Variants in ELK3 observed in about 807,000 individuals in gnomAD.
ELK3 encodes ETS transcription factor ELK3, also known as ETS domain-containing protein Elk-3.
Under a neutral mutation model 28.9 loss-of-function variants are expected in ELK3, and 10 were observed. The ratio of observed to expected loss-of-function variants is 0.35; its 90% CI spans 0.21 to 0.59. ELK3 has a LOEUF of 0.59. Ranked by LOEUF, ELK3 falls within the 20% of genes least tolerant of loss-of-function variation. ELK3 has a pLI of 0.82. For synonymous variants in ELK3, 272 were observed against 243.5 expected, an observed-to-expected ratio of 1.12 and a Z score of -1.09; for missense variants, 463 against 517.3, an observed-to-expected ratio of 0.90 and a Z score of 1.02.
At chr12:96,208,713 G>C (rs1951555399) in intron 1 of ELK3, among the ~76,000 whole-genome samples, 1 of 152,192 alleles carries the variant, frequency 6.6e-6, no homozygotes, top group Non-Finnish European at 1.5e-5. Flanking sequence ...GTAGGACAGG[G>C]GAGCAGAAGT....
chr12:96,233,974 G>A (rs1308405411), intron 2 of ELK3, among the ~76,000 whole-genome samples: 9 of 152,222 alleles, frequency 5.9e-5, no homozygotes, highest in Non-Finnish European at 1.3e-4. Context: ...GCTATTGCCT[G>A]GGGGCGCAGG....
At chr12:96,254,102 A>G (rs943044380) in intron 3 of ELK3, among the ~76,000 whole-genome samples, 7 of 152,224 alleles carry the variant, frequency 4.6e-5, no homozygotes, top group South Asian at 2.1e-4. Context: ...AAGGGGGCGG[A>G]TAGCTTGAGG....
intron 2 of ELK3, among the ~76,000 whole-genome samples, chr12:96,236,002 T>G (rs967427623): frequency 1.3e-5 from 2 of 151,974 alleles, no homozygotes; most frequent in African/African-American, 4.8e-5. Context: ...ATTTTTGTAT[T>G]TTTAGTAGAG....
chr12:96,215,316 T>C (rs549629706), intron 1 of ELK3, among the ~76,000 whole-genome samples: 1 of 152,300 alleles, frequency 6.6e-6, no homozygotes, highest in African/African-American at 2.4e-5. Flanking sequence ...CCTCATACTT[T>C]GCATAAGGGG....
intron 2 of ELK3, among the ~76,000 whole-genome samples, chr12:96,232,578 A>AT (rs1162486228): frequency 2.7e-5 from 4 of 148,554 alleles, no homozygotes; most frequent in Non-Finnish European, 4.4e-5. Flanking sequence ...CTCAAAAAAA[A>AT]AAATAAATAA....
At chr12:96,246,605 G>A (rs1405207910) in intron 2 of ELK3, among the ~76,000 whole-genome samples, 2 of 152,214 alleles carry the variant, frequency 1.3e-5, no homozygotes, top group Admixed American at 1.3e-4. Flanking sequence ...AGGCTGCAGT[G>A]AGCCATGTTC....
intron 1 of ELK3, among the ~76,000 whole-genome samples, chr12:96,208,949 C>T (rs1437586651): frequency 6.6e-6 from 1 of 152,210 alleles, no homozygotes; most frequent in African/African-American, 2.4e-5. Flanking sequence ...ACTGGGGTGC[C>T]CAGCACAGCT....
chr12:96,197,045 A>G (rs1354707801), intron 1 of ELK3, among the ~76,000 whole-genome samples: 6 of 152,200 alleles, frequency 3.9e-5, no homozygotes, highest in Non-Finnish European at 8.8e-5. Context: ...AACAAAACTT[A>G]TAATAGGTAA....
At chr12:96,256,167 G>T (rs1951946478) in intron 3 of ELK3, among the ~76,000 whole-genome samples, 2 of 152,204 alleles carry the variant, frequency 1.3e-5, no homozygotes, top group African/African-American at 4.8e-5. Context: ...AATGCCATCT[G>T]TAAGGTGATA....
chr12:96,229,523 CTTTTTTTTTTTTTTT>C lies in ELK3; in HGVS notation c.207+5762_207+5776del, dbSNP rs10578974. ...CCCCATTCTGTGTGTCCAGATTTTC[CTTTTTTTTTTTTTTT>C]TTTTTTTTTTTGAGACAGAGTCTTG... is the stretch of plus-strand genomic sequence containing the variant. On this transcript the variant is annotated intron_variant, in intron 2 of 4. Coordinates refer to ENST00000228741, the MANE Select transcript of ELK3 (RefSeq NM_005230.4). 1.7e-4 allele frequency among the ~76,000 whole-genome samples: 11 copies of C among 66,272 alleles called. No homozygotes were observed. The Admixed American group carries it at 2.2e-3, about 13-fold the overall frequency. 43.5% of individuals were successfully genotyped at this position (66,272 alleles called of 152,430 possible). A position where few individuals can be genotyped will look rare whatever the true frequency, so the allele number is the denominator to read the frequency against.
chr12:96,246,881 G>A, intron 2 of ELK3, 59 bp from the exon 3 acceptor site: 1 of 1,497,652 alleles, frequency 6.7e-7, no homozygotes, highest in South Asian at 1.3e-5. Context: ...ATTATCATGA[G>A]CTCTTACATG....
chr12:96,254,889 G>A (rs1452283156), intron 3 of ELK3, among the ~76,000 whole-genome samples: 2 of 151,856 alleles, frequency 1.3e-5, no homozygotes, highest in Non-Finnish European at 2.9e-5. Context: ...AGGCATCGTC[G>A]GCAGAGGAAC....
intron 1 of ELK3, among the ~76,000 whole-genome samples, chr12:96,219,852 G>C (rs1421115563): frequency 6.6e-6 from 1 of 152,206 alleles, no homozygotes; most frequent in Non-Finnish European, 1.5e-5. Context: ...TGACTGCCCA[G>C]TCATCGAAAC....
chr12:96,251,989 C>T (rs1472948108), intron 3 of ELK3, among the ~76,000 whole-genome samples: 1 of 152,196 alleles, frequency 6.6e-6, no homozygotes, highest in Non-Finnish European at 1.5e-5. Context: ...AAGAAGATGC[C>T]ATCTAGGACT....
At chr12:96,215,526 A>G (rs1243062461) in intron 1 of ELK3, among the ~76,000 whole-genome samples, 2 of 152,164 alleles carry the variant, frequency 1.3e-5, no homozygotes, top group Admixed American at 6.5e-5. Flanking sequence ...GAGAATGATC[A>G]ATATTTCTGT....
chr12:96,214,115 G>T (rs186768766), intron 1 of ELK3, among the ~76,000 whole-genome samples: 1 of 152,212 alleles, frequency 6.6e-6, no homozygotes, highest in African/African-American at 2.4e-5. Context: ...TCTTTCCCAA[G>T]ATGGAAGAGT....
At chr12:96,228,127 AAAG>A (rs199588248) in intron 2 of ELK3, among the ~76,000 whole-genome samples, 3,125 of 152,172 alleles carry the variant, frequency 0.021, 96 homozygotes, top group African/African-American at 0.069. Context: ...TTATTAAAAA[AAAG>A]AAGAAGAGGC....
intron 1 of ELK3, 114 bp downstream of exon 1, chr12:96,194,819 G>A (rs1951449946): frequency 7.3e-6 from 1 of 137,734 alleles, no homozygotes; most frequent in African/African-American, 2.6e-5. Flanking sequence ...GGGGCGCCGC[G>A]GGGTGGGCTG....
At chr12:96,218,458 T>C (rs1951636491) in intron 1 of ELK3, among the ~76,000 whole-genome samples, 1 of 152,008 alleles carries the variant, frequency 6.6e-6, no homozygotes, top group South Asian at 2.1e-4. Flanking sequence ...GACTGGGGAC[T>C]CCAAAAGTGG....
Sources: allele counts gnomAD v4.1 joint callset (sites outside exome capture counted in the v4.1 genomes callset), GRCh38; gene constraint gnomAD v4.1.1; transcripts MANE v1.5; gene names NCBI Gene and HGNC (gene_info 2026-07-23, HGNC 2026-07-21).